ADAMTSL3: variants seen among roughly 807,000 people sequenced by gnomAD.
The protein encoded by ADAMTSL3 is ADAMTS-like protein 3.
In ADAMTSL3, 128 loss-of-function variants were observed where a neutral mutation model predicts 201.7. That is an observed-to-expected ratio of 0.63 (90% CI 0.55 to 0.73). The LOEUF is 0.73. Among genes scored for constraint, ADAMTSL3 ranks in the 30% least tolerant of loss-of-function variants. The pLI, the probability that ADAMTSL3 is intolerant of heterozygous loss-of-function variation, is 0.00. For missense variants in ADAMTSL3, 1,990 were observed against 2,119.6 expected (o/e 0.94, Z 1.20); for synonymous variants, 738 against 748.4 (o/e 0.99, Z 0.23).
intron 19 of ADAMTSL3, among the ~76,000 whole-genome samples, chr15:83,964,734 G>C (rs750081595): frequency 1.3e-5 from 2 of 152,170 alleles, no homozygotes; most frequent in Admixed American, 6.6e-5. Flanking sequence ...GATTTACCAT[G>C]ATTGAAATGA....
At chr15:83,655,918 T>C in intron 2 of ADAMTSL3, 88 bp downstream of exon 2, 1 of 1,329,122 alleles carries the variant, frequency 7.5e-7, no homozygotes. Flanking sequence ...AGATGTGGCA[T>C]GATTAGTGTT....
chr15:83,821,894 G>T (rs999897178), intron 6 of ADAMTSL3, among the ~76,000 whole-genome samples: 23 of 140,504 alleles, frequency 1.6e-4, no homozygotes, highest in Non-Finnish European at 2.9e-4. Flanking sequence ...ACTCCCTCCC[G>T]GATGGGGCGG....
At chr15:83,747,581 G>C (rs1389798245) in intron 3 of ADAMTSL3, among the ~76,000 whole-genome samples, 2 of 152,088 alleles carry the variant, frequency 1.3e-5, no homozygotes, top group Non-Finnish European at 2.9e-5. Context: ...ATTCTCCAAG[G>C]TCAGCTTTTA....
chr15:83,898,753 T>C (rs1255759628), intron 14 of ADAMTSL3, among the ~76,000 whole-genome samples: 1 of 152,148 alleles, frequency 6.6e-6, no homozygotes, highest in Non-Finnish European at 1.5e-5. Flanking sequence ...GAGAAAAGAT[T>C]ATTCCCAACT....
At chr15:83,678,186 A>G (rs896298107) in intron 2 of ADAMTSL3, among the ~76,000 whole-genome samples, 2 of 152,098 alleles carry the variant, frequency 1.3e-5, no homozygotes, top group Non-Finnish European at 2.9e-5. Context: ...ACAAACTCAT[A>G]AGGAGAAGGA....
At chr15:83,891,858 G>T (rs193209365) in intron 12 of ADAMTSL3, among the ~76,000 whole-genome samples, 1 of 152,326 alleles carries the variant, frequency 6.6e-6, no homozygotes, top group Admixed American at 6.5e-5. Context: ...ATTCCCAGTT[G>T]ACAGAAACCC....
intron 8 of ADAMTSL3, 122 bp downstream of exon 8, chr15:83,858,962 G>T: frequency 1.4e-6 from 1 of 738,672 alleles, no homozygotes; most frequent in Non-Finnish European, 2.2e-6. Flanking sequence ...TAAGTTAATG[G>T]GTAATGTTAC....
chr15:84,018,159 C>G (rs2068121729), intron 25 of ADAMTSL3, among the ~76,000 whole-genome samples: 1 of 152,222 alleles, frequency 6.6e-6, no homozygotes, highest in African/African-American at 2.4e-5. Context: ...TTGGAATAGT[C>G]AAACTCTTGG....
intron 19 of ADAMTSL3, among the ~76,000 whole-genome samples, chr15:83,963,595 A>G (rs1220803870): frequency 6.6e-6 from 1 of 152,194 alleles, no homozygotes; most frequent in East Asian, 1.9e-4. Flanking sequence ...GCAGACTTAA[A>G]TGTTCCTGCC....
chr15:83,892,886 C>T lies in ADAMTSL3; in HGVS notation c.1465C>T (p.Gln489Ter). Residue 489 changes from glutamine to a stop codon, truncating the protein, a stop_gained and splice_region_variant, in exon 13 of 30, where the codon CAG becomes TAG. Coordinates refer to ENST00000286744, the MANE Select transcript of ADAMTSL3 (RefSeq NM_207517.3). LOFTEE classifies it high-confidence loss of function. ...CAAGTGGATTGCCATGGAGTGGTCT[C>T]AGGTAAGATTTGAGAATATGCCACT... ...CPKWIAMEWS[Q>*]CTVTCGRGLR... 1 of 1,613,342 alleles carries T rather than the reference C, an allele frequency of 6.2e-7. No homozygotes were observed. The highest frequency in any genetic ancestry group is 8.5e-7 in the Non-Finnish European group (1 of 1,179,570).
At chr15:83,777,401 T>A (rs1288296608) in intron 4 of ADAMTSL3, among the ~76,000 whole-genome samples, 2 of 152,164 alleles carry the variant, frequency 1.3e-5, no homozygotes, top group African/African-American at 2.4e-5. Flanking sequence ...TTTTGGCCCC[T>A]GCAGTGCAGT....
intron 7 of ADAMTSL3, among the ~76,000 whole-genome samples, chr15:83,846,604 C>T (rs1452162850): frequency 6.6e-6 from 1 of 152,242 alleles, no homozygotes; most frequent in Non-Finnish European, 1.5e-5. Context: ...ACCCAGGGTG[C>T]ACATCAGGAG....
intron 9 of ADAMTSL3, among the ~76,000 whole-genome samples, chr15:83,871,534 G>A (rs753717337): frequency 6.6e-6 from 1 of 152,148 alleles, no homozygotes; most frequent in Non-Finnish European, 1.5e-5. Context: ...TCGACCTTCA[G>A]CCCTTAGAAC....
At chr15:83,905,588 C>T (rs2065815719) in intron 15 of ADAMTSL3, among the ~76,000 whole-genome samples, 1 of 152,124 alleles carries the variant, frequency 6.6e-6, no homozygotes, top group Non-Finnish European at 1.5e-5. Context: ...GCTGTGGGAG[C>T]CATGTAAGGA....
chr15:83,899,444 A>G (rs1008251798), intron 14 of ADAMTSL3, among the ~76,000 whole-genome samples: 4 of 152,270 alleles, frequency 2.6e-5, no homozygotes, highest in Admixed American at 2.6e-4. Flanking sequence ...TTGCATTTTA[A>G]TAATGTATTA....
Position 83,654,362 on chromosome 15 carries a change from CCTCT to C in ADAMTSL3, c.-34+89_-34+92del, listed in dbSNP as rs1056914091. The C allele has an allele frequency of 1.3e-5, 2 of 152,316 alleles. No homozygotes were observed. The highest frequency in any genetic ancestry group is 2.9e-5 in the Non-Finnish European group (2 of 68,320). 9.4% of individuals were successfully genotyped at this position (152,316 alleles called of 1,614,324 possible). On this transcript the variant is annotated intron_variant, in intron 1 of 29. Transcript: ENST00000286744. The surrounding 1 kb of genome is among the most constrained non-coding windows in gnomAD (Gnocchi z 5.3). ...GAGGGAGTAAGACTTGGAGCAGTGGCCTCTCTAAGCAAGTTGGGGGTCTCCAAGC... is the reference window on the plus strand; with the variant it reads ...GAGGGAGTAAGACTTGGAGCAGTGGCCTAAGCAAGTTGGGGGTCTCCAAGC...
At chr15:83,828,696 A>G (rs1172545023) in intron 6 of ADAMTSL3, among the ~76,000 whole-genome samples, 2 of 152,132 alleles carry the variant, frequency 1.3e-5, no homozygotes, top group South Asian at 2.1e-4. Flanking sequence ...TTTGAAATAC[A>G]TCCCATCAAT....
intron 3 of ADAMTSL3, among the ~76,000 whole-genome samples, chr15:83,724,530 A>G (rs1273011511): frequency 2.0e-5 from 3 of 152,118 alleles, no homozygotes; most frequent in Non-Finnish European, 4.4e-5. Flanking sequence ...CACCTCAGGC[A>G]TTTATCCTTT....
intron 15 of ADAMTSL3, among the ~76,000 whole-genome samples, chr15:83,912,528 C>G (rs999367066): frequency 8.5e-5 from 13 of 152,108 alleles, no homozygotes; most frequent in African/African-American, 3.1e-4. Flanking sequence ...CAAGATTGTG[C>G]AATATTTCTT....
Sources: allele counts gnomAD v4.1 joint callset (sites outside exome capture counted in the v4.1 genomes callset), GRCh38; gene constraint gnomAD v4.1.1; non-coding constraint Gnocchi (gnomAD v3.1); transcripts MANE v1.5; gene names NCBI Gene and HGNC (gene_info 2026-07-23, HGNC 2026-07-21).